PLSCR1: variants seen among roughly 807,000 people sequenced by gnomAD.
PLSCR1 encodes the protein PL scramblase 1.
In PLSCR1, 17 loss-of-function variants were observed where a neutral mutation model predicts 37.8. The observed-to-expected ratio is 0.45, with a 90% confidence interval of 0.31 to 0.68. The LOEUF is 0.68. Among genes scored for constraint, PLSCR1 ranks in the 30% least tolerant of loss-of-function variants. The pLI is 0.06. For missense variants in PLSCR1, 347 were observed against 380.9 expected (o/e 0.91, Z 0.74); for synonymous variants, 116 against 125.9 (o/e 0.92, Z 0.53).
intron 7 of PLSCR1, chr3:146,517,433 A>G (rs1190099526): frequency 5.6e-6 from 1 of 177,942 alleles, no homozygotes; most frequent in Non-Finnish European, 1.2e-5. Flanking sequence ...AATTATTTGA[A>G]TTGACCCAAA....
chr3:146,522,147 T>G (rs2044032026), intron 5 of PLSCR1, 94 bp from the exon 6 acceptor site: 1 of 759,678 alleles, frequency 1.3e-6, no homozygotes, highest in African/African-American at 1.7e-5. Context: ...CAGTTTTTGA[T>G]GATACCCCAA....
intron 3 of PLSCR1, among the ~76,000 whole-genome samples, chr3:146,529,498 C>T (rs1288961094): frequency 1.3e-5 from 2 of 151,290 alleles, no homozygotes; most frequent in East Asian, 2.0e-4. Flanking sequence ...GGTGAAAGCA[C>T]GTCATTTCTT....
chr3:146,529,242 G>A (rs1295589235), intron 3 of PLSCR1, among the ~76,000 whole-genome samples: 4 of 152,132 alleles, frequency 2.6e-5, no homozygotes, highest in East Asian at 3.9e-4. Flanking sequence ...TGTGAAAAAT[G>A]ATAATTCTGA....
chr3:146,524,964 C>A (rs930981340), intron 5 of PLSCR1, among the ~76,000 whole-genome samples: 37 of 152,170 alleles, frequency 2.4e-4, no homozygotes, highest in African/African-American at 8.4e-4. Flanking sequence ...CCAGGGTCTT[C>A]TTCCCCTGGC....
chr3:146,529,685 T>G (rs556106738), intron 3 of PLSCR1, among the ~76,000 whole-genome samples: 1 of 152,210 alleles, frequency 6.6e-6, no homozygotes, highest in Admixed American at 6.5e-5. Flanking sequence ...GCTAATTTTT[T>G]GTATTTTTTA....
rs1441051088 is a variant in PLSCR1, at chr3:146,528,778, G to A, written c.148C>T (p.Pro50Ser). 1.9e-6 allele frequency: 3 copies of A among 1,614,192 alleles called. No individual in the cohort carries two copies. Among genetic ancestry groups the A allele is most frequent in the Non-Finnish European group, 2.5e-6 (3 of 1,180,030 alleles). Residue 50 changes from proline to serine, a missense_variant, in exon 4 of 9, where the codon CCA becomes TCA. Physicochemically the swap from Pro to Ser is moderately conservative, Grantham distance 74. Transcript: ENST00000342435. Reference sequence around the variant, plus strand: ...GGGCCAGGACCTGAATGGCCGGCTGGTGGGGGTGGGTAGCTGACCTGGGGC... The same window carrying A: ...GGGCCAGGACCTGAATGGCCGGCTGATGGGGGTGGGTAGCTGACCTGGGGC... Reference protein sequence around the residue: ...PGPQVSYPPPPAGHSGPGPAG... With the variant: ...PGPQVSYPPPSAGHSGPGPAG...
intron 3 of PLSCR1, among the ~76,000 whole-genome samples, chr3:146,531,534 A>C (rs2044198570): frequency 6.6e-6 from 1 of 152,246 alleles, no homozygotes; most frequent in South Asian, 2.1e-4. Flanking sequence ...TTTTCCCCAG[A>C]CTCTGAAAGT....
At chr3:146,526,327 C>G (rs1371726634) in intron 4 of PLSCR1, among the ~76,000 whole-genome samples, 1 of 150,542 alleles carries the variant, frequency 6.6e-6, no homozygotes, top group Non-Finnish European at 1.5e-5. Context: ...TATCTTTGTA[C>G]AGTTAAGAAT....
chr3:146,520,269 T>G (rs927716820), intron 7 of PLSCR1: 2 of 152,148 alleles, frequency 1.3e-5, no homozygotes, highest in Admixed American at 1.3e-4. Flanking sequence ...AAACATAAAT[T>G]TTTTAGTATC....
intron 4 of PLSCR1, 127 bp downstream of exon 4, chr3:146,528,487 T>A (rs2044148910): frequency 2.7e-6 from 2 of 736,188 alleles, no homozygotes; most frequent in South Asian, 3.4e-5. Flanking sequence ...AGAATTAGAG[T>A]AATCTGTTAG....
At chr3:146,518,567 TTATG>T (rs1341444057) in intron 7 of PLSCR1, among the ~76,000 whole-genome samples, 1 of 152,174 alleles carries the variant, frequency 6.6e-6, no homozygotes, top group Non-Finnish European at 1.5e-5. Context: ...ATGAAAACTC[TTATG>T]TTTTATTTTT....
At chr3:146,531,761 A>T (rs1268602349) in intron 3 of PLSCR1, among the ~76,000 whole-genome samples, 2 of 152,226 alleles carry the variant, frequency 1.3e-5, no homozygotes, top group Non-Finnish European at 2.9e-5. Flanking sequence ...ACCCTTATTT[A>T]TAGATAGGAA....
chr3:146,541,727 G>A (rs1162854621), intron 1 of PLSCR1, among the ~76,000 whole-genome samples: 1 of 152,200 alleles, frequency 6.6e-6, no homozygotes, highest in African/African-American at 2.4e-5. Flanking sequence ...GAATGTGTGA[G>A]CTAAGTTCAT....
intron 1 of PLSCR1, chr3:146,540,747 C>G (rs1040041846): frequency 6.6e-6 from 1 of 152,098 alleles, no homozygotes; most frequent in Non-Finnish European, 1.5e-5. Context: ...TAGCAAAATT[C>G]TACTGCTCTG....
chr3:146,518,391 C>A (rs2043974601), intron 7 of PLSCR1, among the ~76,000 whole-genome samples: 1 of 152,154 alleles, frequency 6.6e-6, no homozygotes, highest in Non-Finnish European at 1.5e-5. Context: ...CACAGTTGAC[C>A]TACACACCCA....
At position 146,516,206 on chromosome 3, in the gene PLSCR1, T is replaced by C; in HGVS notation, c.901-105A>G. 5 of 616,034 alleles carry C rather than the reference T, an allele frequency of 8.1e-6. No homozygotes were observed. In the South Asian group the frequency reaches 1.2e-4, roughly 14 times the overall value. 38.2% of individuals were successfully genotyped at this position (616,034 alleles called of 1,614,324 possible). A position where few individuals can be genotyped will look rare whatever the true frequency, so the allele number is the denominator to read the frequency against. On this transcript the variant is annotated intron_variant, in intron 8 of 8. Coordinates refer to ENST00000342435, the MANE Select transcript of PLSCR1 (RefSeq NM_021105.3). ...ATCTAGTGAAACACAGTAACAAATC[T>C]GTTAAAAAAATTAAATGTAATAAGT... is the stretch of plus-strand genomic sequence containing the variant.
At position 146,516,100 on chromosome 3, in the gene PLSCR1, T is replaced by A. The variant is rs549782253; in HGVS notation, c.902A>T (p.Asp301Val). 2.5e-6 allele frequency: 4 copies of A among 1,602,392 alleles called. No homozygotes were observed. In the East Asian group the frequency reaches 9.0e-5, roughly 36 times the overall value. The change falls in exon 9 of 9, where the codon GAC (aspartate) becomes GTC (valine). Residue 301 changes from aspartate to valine, a missense_variant and splice_region_variant. Asp to Val is a radical substitution (Grantham distance 152). Coordinates refer to ENST00000342435, the MANE Select transcript of PLSCR1 (RefSeq NM_021105.3). The stretch of plus-strand genomic sequence containing the variant: ...GCCAGTGCTTTCAAAAAACATGAAG[T>A]CCTAGATAAAAACAAAAGTATACAA... The part of the protein sequence containing the change: ...AVMIGACFLI[D>V]FMFFESTGSQ...
Position 146,525,656 on chromosome 3 carries a change from G to A in PLSCR1, c.313-9C>T, listed in dbSNP as rs1244647687. On this transcript the variant is annotated splice_polypyrimidine_tract_variant and intron_variant, in intron 4 of 8. Transcript: ENST00000342435. ...ATCAGTATCTGATCTATCTATAGCAGGAAAAAAAATAAGTGGTATGTATAT... is the reference window on the plus strand; with the variant it reads ...ATCAGTATCTGATCTATCTATAGCAAGAAAAAAAATAAGTGGTATGTATAT... The A allele has an allele frequency of 7.0e-7, 1 of 1,431,406 alleles. No individual in the cohort carries two copies. The highest frequency in any genetic ancestry group is 2.0e-5 in the Admixed American group (1 of 50,898). The allele number at this position is 1,431,406 out of a possible 1,614,324, so 88.7% of individuals were successfully genotyped here.
intron 2 of PLSCR1, among the ~76,000 whole-genome samples, chr3:146,534,421 C>T (rs2044239138): frequency 6.6e-6 from 1 of 152,120 alleles, no homozygotes; most frequent in Non-Finnish European, 1.5e-5. Flanking sequence ...ATCATGGAGA[C>T]ATGGCATCAA....
Sources: allele counts gnomAD v4.1 joint callset (sites outside exome capture counted in the v4.1 genomes callset), GRCh38; gene constraint gnomAD v4.1.1; transcripts MANE v1.5; gene names NCBI Gene and HGNC (gene_info 2026-07-23, HGNC 2026-07-21).